SBNO2: variants seen among roughly 807,000 people sequenced by gnomAD.
SBNO2 encodes protein strawberry notch homolog 2.
Under a neutral mutation model 146.3 loss-of-function variants are expected in SBNO2, and 89 were observed. The observed-to-expected ratio is 0.61, with a 90% CI of 0.51 to 0.73. The LOEUF (loss-of-function observed/expected upper bound fraction) is 0.73. Ranked by LOEUF, SBNO2 falls within the 30% of genes least tolerant of loss-of-function variation. SBNO2 has a pLI of 0.00. For synonymous variants in SBNO2, 1,147 were observed against 892.6 expected, an observed-to-expected ratio of 1.29 and a Z score of -5.08; for missense variants, 2,092 against 2,003.7, an observed-to-expected ratio of 1.04 and a Z score of -0.84.
At chr19:1,152,615 G>A (rs981581470) in intron 2 of SBNO2, among the ~76,000 whole-genome samples, 2 of 152,116 alleles carry the variant, frequency 1.3e-5, no homozygotes, top group African/African-American at 4.8e-5. Flanking sequence ...AGGGGTCTGG[G>A]CCGCAACAGG....
intron 17 of SBNO2, 79 bp downstream of exon 17, chr19:1,115,942 G>T: frequency 8.6e-7 from 1 of 1,167,114 alleles, no homozygotes; most frequent in Non-Finnish European, 1.2e-6. Flanking sequence ...AGTGGGGGAA[G>T]CAGGGAGCGA....
intron 14 of SBNO2, 106 bp from the exon 15 acceptor site, chr19:1,117,605 T>C: frequency 8.3e-7 from 1 of 1,206,058 alleles, no homozygotes; most frequent in Admixed American, 2.7e-5. Flanking sequence ...CCACGCCAGG[T>C]GGAATTTAGG....
Position 1,133,916 on chromosome 19 carries a change from G to A in SBNO2, c.280-6151C>T, listed in dbSNP as rs114433446. Among the ~76,000 whole-genome samples, 789 of 152,326 alleles carry A rather than the reference G, an allele frequency of 5.2e-3. 7 individuals are homozygous for A. The highest frequency in any genetic ancestry group is 0.024 in the Middle Eastern group (7 of 294). On this transcript the variant is annotated intron_variant, in intron 4 of 31. Transcript: ENST00000361757. Reference sequence around the variant, plus strand: ...CATCCTGCAGCTCCTCAAAAGAGGCGAATGGGGAGTAACAACCCAGCAGCT... The same window carrying A: ...CATCCTGCAGCTCCTCAAAAGAGGCAAATGGGGAGTAACAACCCAGCAGCT...
intron 1 of SBNO2, among the ~76,000 whole-genome samples, chr19:1,161,812 G>C (rs1225197956): frequency 6.6e-6 from 1 of 151,322 alleles, no homozygotes; most frequent in African/African-American, 2.4e-5. Context: ...GCAGGTGGTG[G>C]GTGTCATGGC....
At chr19:1,146,342 C>T (rs974651780) in intron 4 of SBNO2, among the ~76,000 whole-genome samples, 7 of 152,220 alleles carry the variant, frequency 4.6e-5, no homozygotes, top group East Asian at 1.9e-4. Flanking sequence ...GTCCACCCGG[C>T]GAGCTGTTTG....
rs1568612930 is a variant in SBNO2 at position 1,144,924 on chromosome 19, A to AGACAGAGACAGAGAGG, written c.279+2384_279+2385insCCTCTCTGTCTCTGTC. Among the ~76,000 whole-genome samples, 4 of 150,818 alleles carry AGACAGAGACAGAGAGG rather than the reference A, an allele frequency of 2.7e-5. No individual in the cohort carries two copies. The highest frequency in any genetic ancestry group is 9.8e-5 in the African/African-American group (4 of 40,880). On this transcript the variant is annotated intron_variant, in intron 4 of 31. Transcript: ENST00000361757. This position sits in a 1 kb window ranked among gnomAD's most constrained non-coding sequence, Gnocchi z 4.1. ...GAGGCGGAGATGGAGACAGAGACAG[A>AGACAGAGACAGAGAGG]GAGACAGAGACAGAGAGGGAGACAG...
At chr19:1,168,169 T>C (rs2080443960) in intron 1 of SBNO2, among the ~76,000 whole-genome samples, 1 of 152,092 alleles carries the variant, frequency 6.6e-6, no homozygotes, top group South Asian at 2.1e-4. Flanking sequence ...CGGCAAGCAA[T>C]TCAAGCATCC....
chr19:1,113,771 G>T, intron 18 of SBNO2, 67 bp from the exon 19 acceptor site: 1 of 1,398,780 alleles, frequency 7.1e-7, no homozygotes. Flanking sequence ...CTAACTCAAG[G>T]CTGGCCCCTG....
rs915685705 is a variant in SBNO2, at chr19:1,118,999, G to A, written c.1527+12C>T. 1.2e-5 allele frequency: 19 copies of A among 1,574,988 alleles called. No homozygotes were observed. Among genetic ancestry groups the A allele is most frequent in the Non-Finnish European group, 1.5e-5 (18 of 1,161,510 alleles). ...ACGCACAGGGGTCCCCGGGTCGGGT[G>A]CGCAGGCTCACCAGCAGGGCCGCGC... is the stretch of plus-strand genomic sequence containing the variant. On this transcript the variant is annotated intron_variant, in intron 14 of 31. Transcript: ENST00000361757.
Position 1,112,341 on chromosome 19 carries a change from G to A in SBNO2, c.2516-40C>T, listed in dbSNP as rs771450969. The A allele has an allele frequency of 1.3e-6, 2 of 1,565,548 alleles. No individual in the cohort carries two copies. Among genetic ancestry groups the A allele is most frequent in the Admixed American group, 1.9e-5 (1 of 53,924 alleles). On this transcript the variant is annotated intron_variant, in intron 21 of 31. Coordinates refer to ENST00000361757, the MANE Select transcript of SBNO2 (RefSeq NM_014963.3). This position sits in a 1 kb window ranked among gnomAD's most constrained non-coding sequence, Gnocchi z 5.9. ...GCTCTCAGGGCCCGGCCAGGCGGGGGCGGGGCCGAGACCATGTTGGGGGCG... is the reference window on the plus strand; with the variant it reads ...GCTCTCAGGGCCCGGCCAGGCGGGGACGGGGCCGAGACCATGTTGGGGGCG...
rs570093631 is a variant in SBNO2, at chr19:1,123,164, G to A, written c.629-119C>T. 529 of 1,184,066 alleles carry A rather than the reference G, an allele frequency of 4.5e-4. 2 individuals are homozygous for A. The African/African-American group carries it at 6.9e-3, about 16-fold the overall frequency. 73.3% of individuals were successfully genotyped at this position (1,184,066 alleles called of 1,614,324 possible). On this transcript the variant is annotated intron_variant, in intron 7 of 31. Coordinates refer to ENST00000361757, the MANE Select transcript of SBNO2 (RefSeq NM_014963.3). ...AGAGCTGGCGGGGCAGTTTGGGGGC[G>A]TGGCCAGGTCCCGTTGGGCGGGTCA...
rs535092599 is a variant in SBNO2 at position 1,110,002 on chromosome 19, C to T, written c.3029-225G>A. 1.1e-4 allele frequency among the ~76,000 whole-genome samples: 17 copies of T among 150,770 alleles called. No homozygotes were observed. The highest frequency in any genetic ancestry group is 4.2e-4 in the South Asian group (2 of 4,742). ...TAACCCCGAGCAGGCTGTGGGGGAT[C>T]GTGGGAGCCTGGGGGCCGCTCAGGT... On this transcript the variant is annotated intron_variant, in intron 26 of 31. Transcript: ENST00000361757. This position sits in a 1 kb window ranked among gnomAD's most constrained non-coding sequence, Gnocchi z 4.9.
Position 1,112,911 on chromosome 19 carries a change from G to C in SBNO2, c.2286C>G (p.Asp762Glu). ...GRKGRVVSRP[D>E]GTVAFESRAE... ...CCCGCGACTCGAAGGCCACCGTCCC[G>C]TCGGGCCTGGACACCACGCGGCCTT... is the stretch of plus-strand genomic sequence containing the variant. Residue 762 changes from aspartate to glutamate, a missense_variant, in exon 20 of 32, where the codon GAC becomes GAG. Coordinates refer to ENST00000361757, the MANE Select transcript of SBNO2 (RefSeq NM_014963.3). This position sits in a 1 kb window ranked among gnomAD's most constrained non-coding sequence, Gnocchi z 5.9. The C allele has an allele frequency of 6.4e-7, 1 of 1,568,480 alleles. No individual in the cohort carries two copies. The highest frequency in any genetic ancestry group is 8.6e-7 in the Non-Finnish European group (1 of 1,158,462).
chr19:1,169,332 T>C (rs555049715), intron 1 of SBNO2, among the ~76,000 whole-genome samples: 2 of 152,236 alleles, frequency 1.3e-5, no homozygotes, highest in South Asian at 4.1e-4. Context: ...AGGGCACGAG[T>C]GCGGCCCCAG....
At chr19:1,146,791 G>T (rs1244395882) in intron 4 of SBNO2, among the ~76,000 whole-genome samples, 2 of 136,226 alleles carry the variant, frequency 1.5e-5, no homozygotes, top group Non-Finnish European at 3.2e-5. Flanking sequence ...GCCTGATGCC[G>T]AAGGGGGAGG....
In SBNO2 at chr19:1,140,896, A is replaced by ACT. The variant is rs1377651781; in HGVS notation, c.279+6411_279+6412dup. On this transcript the variant is annotated intron_variant, in intron 4 of 31. Transcript: ENST00000361757. The surrounding 1 kb of genome is among the most constrained non-coding windows in gnomAD (Gnocchi z 4.4). ...CAGCACAACACGCGCAACGCCAGGC[A>ACT]CTCCGGTCCACGCCGCACTGTACAT... Among the ~76,000 whole-genome samples, 1 of 152,030 alleles carries ACT rather than the reference A, an allele frequency of 6.6e-6. No homozygotes were observed. Among genetic ancestry groups the ACT allele is most frequent in the Non-Finnish European group, 1.5e-5 (1 of 67,998 alleles).
chr19:1,143,131 T>C (rs1393172329), intron 4 of SBNO2, among the ~76,000 whole-genome samples: 1 of 152,300 alleles, frequency 6.6e-6, no homozygotes, highest in East Asian at 1.9e-4. Flanking sequence ...CACGATGGCT[T>C]TGAACGGTGC....
In SBNO2 at chr19:1,107,995, G is replaced by A; in HGVS notation, c.*225C>T. The A allele has an allele frequency of 2.9e-6, 1 of 350,048 alleles. No homozygotes were observed. Among genetic ancestry groups the A allele is most frequent in the Non-Finnish European group, 5.1e-6 (1 of 194,384 alleles). 21.7% of individuals were successfully genotyped at this position (350,048 alleles called of 1,614,324 possible). Reference sequence around the variant, plus strand: ...ACCCGGAGCCCCTTCCTACTTGGGAGGAGAGGCACAGAGAGGGCCCTGCCA... The same window carrying A: ...ACCCGGAGCCCCTTCCTACTTGGGAAGAGAGGCACAGAGAGGGCCCTGCCA... On this transcript the variant is annotated 3_prime_UTR_variant, in exon 32 of 32. Coordinates refer to ENST00000361757, the MANE Select transcript of SBNO2 (RefSeq NM_014963.3).
Position 1,109,067 on chromosome 19 carries a change from G to A in SBNO2, c.3425+68C>T, listed in dbSNP as rs904169953. Reference sequence around the variant, plus strand: ...CTCCCGCCTCCTCTCAGGGTCTCGGGAGCCCCCGATCCCCGCCTGGGTCGC... The same window carrying A: ...CTCCCGCCTCCTCTCAGGGTCTCGGAAGCCCCCGATCCCCGCCTGGGTCGC... On this transcript the variant is annotated intron_variant, in intron 30 of 31. Transcript: ENST00000361757. This position sits in a 1 kb window ranked among gnomAD's most constrained non-coding sequence, Gnocchi z 4.2. 4 of 1,528,480 alleles carry A rather than the reference G, an allele frequency of 2.6e-6. No homozygotes were observed. In the Admixed American group the frequency reaches 8.0e-5, roughly 31 times the overall value. The allele number at this position is 1,528,480 out of a possible 1,614,324, so 94.7% of individuals were successfully genotyped here.
Sources: allele counts gnomAD v4.1 joint callset (sites outside exome capture counted in the v4.1 genomes callset), GRCh38; gene constraint gnomAD v4.1.1; non-coding constraint Gnocchi (gnomAD v3.1); transcripts MANE v1.5; gene names NCBI Gene and HGNC (gene_info 2026-07-23, HGNC 2026-07-21).